Variants in MARCHF1 observed in about 807,000 individuals in gnomAD.
The protein encoded by MARCHF1 is E3 ubiquitin-protein ligase MARCHF1.
MARCHF1 carries 40 observed loss-of-function variants against 54.2 expected under a neutral mutation model. The ratio of observed to expected loss-of-function variants is 0.74; its 90% CI spans 0.57 to 0.96. The LOEUF (loss-of-function observed/expected upper bound fraction) is 0.96. MARCHF1 is among the 40% of genes least tolerant of loss of function. The pLI, the probability that MARCHF1 is intolerant of heterozygous loss-of-function variation, is 0.00. For missense variants in MARCHF1, 586 were observed against 656.5 expected, an observed-to-expected ratio of 0.89 and a Z score of 1.17; for synonymous variants, 236 against 236.3, an observed-to-expected ratio of 1.00 and a Z score of 0.01.
chr4:164,359,447 A>G (rs552019517), intron 1 of MARCHF1, among the ~76,000 whole-genome samples: 1 of 152,308 alleles, frequency 6.6e-6, no homozygotes, highest in East Asian at 1.9e-4. Flanking sequence ...TCTGTTGAGA[A>G]GAGAGACATT....
chr4:164,206,482 A>C (rs1731610619), intron 1 of MARCHF1, among the ~76,000 whole-genome samples: 1 of 152,222 alleles, frequency 6.6e-6, no homozygotes, highest in Non-Finnish European at 1.5e-5. Flanking sequence ...AACCAAACTA[A>C]AGCTTTTTAC....
chr4:163,907,698 T>C (rs1751099834), intron 3 of MARCHF1, among the ~76,000 whole-genome samples: 1 of 152,118 alleles, frequency 6.6e-6, no homozygotes, highest in African/African-American at 2.4e-5. Context: ...AATTTCTTAT[T>C]TGATATGGGC....
At chr4:163,770,565 A>AAAC (rs1446598072) in intron 4 of MARCHF1, among the ~76,000 whole-genome samples, 4 of 79,932 alleles carry the variant, frequency 5.0e-5, no homozygotes, top group African/African-American at 1.8e-4. Flanking sequence ...CACACACACA[A>AAAC]ACACACACAC....
rs551726706 is a variant in MARCHF1 at position 163,662,480 on chromosome 4, C to T, written c.162+38333G>A. ...CAAACTTCCAAATTATTTTTTATTTCTGCTCTCATATTTGTAATATCCAAG... is the reference window on the plus strand; with the variant it reads ...CAAACTTCCAAATTATTTTTTATTTTTGCTCTCATATTTGTAATATCCAAG... On this transcript the variant is annotated intron_variant, in intron 5 of 9. Transcript: ENST00000514618. 8.4e-4 allele frequency among the ~76,000 whole-genome samples: 128 copies of T among 151,706 alleles called. 1 individual carries two copies. Among genetic ancestry groups the T allele is most frequent in the African/African-American group, 3.0e-3 (124 of 41,408 alleles).
chr4:164,127,052 T>TCAAAACAAAA (rs61100715), intron 1 of MARCHF1, among the ~76,000 whole-genome samples: 308 of 150,588 alleles, frequency 2.0e-3, no homozygotes, highest in Middle Eastern at 0.01. Flanking sequence ...AAACTCCGTC[T>TCAAAACAAAA]CAAAACAAAA....
intron 2 of MARCHF1, among the ~76,000 whole-genome samples, chr4:164,106,637 G>A (rs903163936): frequency 1.4e-5 from 2 of 146,904 alleles, no homozygotes; most frequent in African/African-American, 5.1e-5. Flanking sequence ...GAGGGGGGAG[G>A]GATAACATCG....
chr4:163,902,793 C>CT lies in MARCHF1; in HGVS notation c.-38-48625dup, dbSNP rs531514565. On this transcript the variant is annotated intron_variant, in intron 3 of 9. Coordinates refer to ENST00000514618, the MANE Select transcript of MARCHF1 (RefSeq NM_001394959.1). ...TCATTATTACTGCTGCAAATAAATG[C>CT]TTTTTTTAGCCTCCAAATATTGTAT... is the stretch of plus-strand genomic sequence containing the variant. 2.3e-3 allele frequency among the ~76,000 whole-genome samples: 357 copies of CT among 152,196 alleles called. 1 individual carries two copies. Among genetic ancestry groups the CT allele is most frequent in the Non-Finnish European group, 4.5e-3 (309 of 67,990 alleles).
rs1013074977 is a variant in MARCHF1 at position 163,525,773 on chromosome 4, C to A, written c.*2975G>T. On this transcript the variant is annotated 3_prime_UTR_variant, in exon 10 of 10. Coordinates refer to ENST00000514618, the MANE Select transcript of MARCHF1 (RefSeq NM_001394959.1). The stretch of plus-strand genomic sequence containing the variant: ...TAAACATGCCTCAAAATTTGCATTC[C>A]GTAGAGCAGTTTTTCTTTTTGAAGG... The A allele has an allele frequency of 6.6e-6, 1 of 151,772 alleles. No homozygotes were observed. Among genetic ancestry groups the A allele is most frequent in the Non-Finnish European group, 1.5e-5 (1 of 67,950 alleles). The allele number at this position is 151,772 out of a possible 1,614,324, so 9.4% of individuals were successfully genotyped here.
intron 9 of MARCHF1, among the ~76,000 whole-genome samples, chr4:163,544,712 T>A (rs933579550): frequency 6.6e-5 from 10 of 152,244 alleles, no homozygotes; most frequent in African/African-American, 2.4e-4. Context: ...CCTCCTCTCT[T>A]TTTTTGTTCT....
At chr4:163,825,147 G>A (rs544299647) in intron 4 of MARCHF1, among the ~76,000 whole-genome samples, 1 of 151,922 alleles carries the variant, frequency 6.6e-6, no homozygotes, top group South Asian at 2.1e-4. Context: ...TGTTGCTCCT[G>A]TCTCTGTGTC....
At chr4:163,872,920 T>A (rs887428774) in intron 3 of MARCHF1, among the ~76,000 whole-genome samples, 1 of 151,944 alleles carries the variant, frequency 6.6e-6, no homozygotes, top group East Asian at 1.9e-4. Context: ...GGCGGGCGCC[T>A]GTAGTCCCAG....
intron 3 of MARCHF1, among the ~76,000 whole-genome samples, chr4:163,860,005 A>G (rs1161283874): frequency 3.9e-5 from 6 of 152,206 alleles, no homozygotes; most frequent in South Asian, 4.1e-4. Context: ...TTAAGCTATG[A>G]CATGTAAAGA....
chr4:164,304,539 A>G (rs1734649714), intron 1 of MARCHF1, among the ~76,000 whole-genome samples: 1 of 152,234 alleles, frequency 6.6e-6, no homozygotes, highest in African/African-American at 2.4e-5. Context: ...ATCATTTCTA[A>G]GAATGTACAG....
In MARCHF1 at chr4:163,933,280, C is replaced by G. The variant is rs1353766504; in HGVS notation, c.-39+55221G>C. On this transcript the variant is annotated intron_variant, in intron 3 of 9. Transcript: ENST00000514618. ...ATCCAGACAGGGTGTCATCCTTCTT[C>G]CCTTCAAGAAACCTTTTTACATATC... 1.3e-4 allele frequency: 87 copies of G among 647,564 alleles called. No homozygotes were observed. The Admixed American group carries it at 1.7e-3, about 13-fold the overall frequency. 40.1% of individuals were successfully genotyped at this position (647,564 alleles called of 1,614,324 possible).
intron 1 of MARCHF1, among the ~76,000 whole-genome samples, chr4:164,146,657 T>G (rs1729752387): frequency 6.6e-6 from 1 of 151,940 alleles, no homozygotes; most frequent in African/African-American, 2.4e-5. Flanking sequence ...CCTTACACCT[T>G]ATACAAAAAT....
At chr4:163,726,764 TTGGTGG>T (rs1420526486) in intron 4 of MARCHF1, among the ~76,000 whole-genome samples, 1 of 152,210 alleles carries the variant, frequency 6.6e-6, no homozygotes, top group Non-Finnish European at 1.5e-5. Flanking sequence ...CCTGCTACAT[TTGGTGG>T]TGGTGTTTTG....
chr4:164,186,741 G>A (rs1035942856), intron 1 of MARCHF1, among the ~76,000 whole-genome samples: 5 of 152,182 alleles, frequency 3.3e-5, no homozygotes, highest in African/African-American at 9.6e-5. Context: ...CCTCTGAAGA[G>A]TTCATTCTTA....
At chr4:163,617,454 A>G (rs987677958) in intron 5 of MARCHF1, among the ~76,000 whole-genome samples, 2 of 152,178 alleles carry the variant, frequency 1.3e-5, no homozygotes, top group African/African-American at 4.8e-5. Context: ...GATCACTACA[A>G]ATTGTATACA....
rs547238793 is a variant in MARCHF1, at chr4:163,948,218, G to A, written c.-39+40283C>T. ...AATGGCATCACATGGTATACTTTAC[G>A]TTTCAATGGTTCACTAGTCAAATCA... On this transcript the variant is annotated intron_variant, in intron 3 of 9. Transcript: ENST00000514618. 1.5e-3 allele frequency among the ~76,000 whole-genome samples: 225 copies of A among 152,246 alleles called. 1 individual carries two copies. In the Middle Eastern group the frequency reaches 0.02, roughly 14 times the overall value.
Sources: gnomAD v4.1 joint callset for allele counts (sites outside exome capture counted in the v4.1 genomes callset) on GRCh38, gnomAD v4.1.1 for gene constraint, MANE v1.5 for transcripts, NCBI Gene and HGNC (gene_info 2026-07-23, HGNC 2026-07-21) for gene names.